DLG2: variants seen among roughly 807,000 people sequenced by gnomAD.
DLG2 encodes the protein discs large MAGUK scaffold protein 2, also known as disks large homolog 2.
DLG2 carries 45 observed loss-of-function variants against 132.5 expected under a neutral mutation model. That is an observed-to-expected ratio of 0.34 (90% CI 0.27 to 0.44). The LOEUF is 0.44. Among genes scored for constraint, DLG2 ranks in the 20% least tolerant of loss-of-function variants. The pLI is 1.00. For missense variants in DLG2, 1,045 were observed against 1,196.9 expected (o/e 0.87, Z 1.87); for synonymous variants, 424 against 419.6 (o/e 1.01, Z -0.13).
intron 6 of DLG2, among the ~76,000 whole-genome samples, chr11:85,089,674 G>A (rs900416384): frequency 6.6e-6 from 1 of 152,126 alleles, no homozygotes; most frequent in Non-Finnish European, 1.5e-5. Context: ...TTAAATGGTA[G>A]TTCCAATTTT....
chr11:84,746,790 C>T (rs1172957500), intron 6 of DLG2, among the ~76,000 whole-genome samples: 1 of 152,088 alleles, frequency 6.6e-6, no homozygotes, highest in Non-Finnish European at 1.5e-5. Context: ...CTAAAGAGTT[C>T]GGGCCCACTT....
intron 7 of DLG2, among the ~76,000 whole-genome samples, chr11:84,401,879 G>A (rs1011039137): frequency 7.2e-5 from 11 of 152,046 alleles, no homozygotes; most frequent in African/African-American, 1.2e-4. Context: ...AGGGTTTCAC[G>A]TCACTTTTTA....
At chr11:84,042,054 T>A (rs2096100618) in intron 11 of DLG2, among the ~76,000 whole-genome samples, 2 of 151,968 alleles carry the variant, frequency 1.3e-5, no homozygotes, top group Non-Finnish European at 2.9e-5. Flanking sequence ...AACAATTTCT[T>A]TTGTAAAATG....
chr11:85,007,738 G>T (rs1424435908), intron 6 of DLG2, among the ~76,000 whole-genome samples: 1 of 150,260 alleles, frequency 6.7e-6, no homozygotes, highest in East Asian at 1.9e-4. Flanking sequence ...TAAGAGAGGA[G>T]AAAACTCTCT....
At chr11:83,631,167 C>CTTTTTTTTTTTTTTTT (rs57696126) in intron 19 of DLG2, 2 of 91,660 alleles carry the variant, frequency 2.2e-5, no homozygotes, top group African/African-American at 8.6e-5. Flanking sequence ...TTGCTTCTTG[C>CTTTTTTTTTTTTTTTT]TTTTTTTTTT....
chr11:84,281,931 G>A (rs980770210), intron 7 of DLG2, among the ~76,000 whole-genome samples: 29 of 152,084 alleles, frequency 1.9e-4, no homozygotes, highest in Non-Finnish European at 4.0e-4. Flanking sequence ...ATAAAAAATT[G>A]TACAACCCCT....
intron 6 of DLG2, among the ~76,000 whole-genome samples, chr11:84,739,314 A>G (rs1281225949): frequency 6.6e-6 from 1 of 152,190 alleles, no homozygotes; most frequent in Admixed American, 6.5e-5. Flanking sequence ...GATAGAGTTT[A>G]TTTTTTTAAT....
chr11:84,189,660 T>C (rs891441797), intron 8 of DLG2, among the ~76,000 whole-genome samples: 6 of 152,206 alleles, frequency 3.9e-5, no homozygotes, highest in East Asian at 3.9e-4. Flanking sequence ...AAAGAGATCA[T>C]GTTCTTTGCA....
intron 14 of DLG2, among the ~76,000 whole-genome samples, chr11:83,934,478 A>G (rs753212946): frequency 3.3e-5 from 5 of 151,964 alleles, no homozygotes; most frequent in Non-Finnish European, 7.4e-5. Flanking sequence ...CAACATGAGT[A>G]CCTCACTCAC....
chr11:83,701,015 T>C (rs2082837312), intron 18 of DLG2, among the ~76,000 whole-genome samples: 1 of 152,166 alleles, frequency 6.6e-6, no homozygotes, highest in Non-Finnish European at 1.5e-5. Context: ...AAGCACCATT[T>C]TGGGTACTTG....
intron 4 of DLG2, among the ~76,000 whole-genome samples, chr11:85,167,897 T>G (rs540810053): frequency 2.0e-5 from 3 of 152,144 alleles, no homozygotes; most frequent in Non-Finnish European, 4.4e-5. Context: ...TACCATTTTA[T>G]AGACTACTTC....
chr11:83,604,610 C>A (rs1306651864), intron 19 of DLG2, among the ~76,000 whole-genome samples: 5 of 152,004 alleles, frequency 3.3e-5, no homozygotes, highest in African/African-American at 1.2e-4. Context: ...ATGTATTGTT[C>A]AATACCAAGA....
At chr11:84,398,193 A>G (rs1046499015) in intron 7 of DLG2, among the ~76,000 whole-genome samples, 1 of 152,212 alleles carries the variant, frequency 6.6e-6, no homozygotes, top group African/African-American at 2.4e-5. Context: ...TTGTGACAAG[A>G]TGACTGTAAT....
intron 18 of DLG2, among the ~76,000 whole-genome samples, chr11:83,765,323 G>C (rs1360317202): frequency 5.9e-5 from 9 of 152,142 alleles, no homozygotes; most frequent in Admixed American, 5.9e-4. Context: ...ACTGCTAGAG[G>C]AATTAATCAA....
At chr11:84,817,194 C>T (rs185748414) in intron 6 of DLG2, among the ~76,000 whole-genome samples, 1 of 152,140 alleles carries the variant, frequency 6.6e-6, no homozygotes, top group East Asian at 1.9e-4. Flanking sequence ...TTGATGCTTA[C>T]ATTGTGCAGG....
At chr11:84,280,719 A>G (rs2097845393) in intron 7 of DLG2, among the ~76,000 whole-genome samples, 1 of 151,816 alleles carries the variant, frequency 6.6e-6, no homozygotes, top group South Asian at 2.1e-4. Flanking sequence ...TTTTTTTGAG[A>G]CGGAGTCTCA....
At chr11:83,805,283 A>T (rs73515130) in intron 17 of DLG2, among the ~76,000 whole-genome samples, 2,099 of 152,140 alleles carry the variant, frequency 0.014, 55 homozygotes, top group African/African-American at 0.048. Context: ...GGGTTAAAAA[A>T]TGGTTATTTT....
intron 7 of DLG2, among the ~76,000 whole-genome samples, chr11:84,400,007 C>T (rs1281863081): frequency 6.6e-6 from 1 of 152,186 alleles, no homozygotes; most frequent in Non-Finnish European, 1.5e-5. Context: ...ATGGTAGATC[C>T]TCAACAGCTC....
chr11:84,443,869 A>G (rs1602222992), intron 7 of DLG2, among the ~76,000 whole-genome samples: 1 of 152,172 alleles, frequency 6.6e-6, no homozygotes, highest in Non-Finnish European at 1.5e-5. Context: ...CAGAGCCTTC[A>G]TAAAAATTAA....
Sources: gnomAD v4.1 joint callset for allele counts (sites outside exome capture counted in the v4.1 genomes callset) on GRCh38, gnomAD v4.1.1 for gene constraint, MANE v1.5 for transcripts, NCBI Gene and HGNC (gene_info 2026-07-23, HGNC 2026-07-21) for gene names.